Variants in RBM14 observed in about 807,000 individuals in gnomAD.
RBM14 encodes RNA-binding protein 14.
Under a neutral mutation model 52.8 loss-of-function variants are expected in RBM14, and 5 were observed. That is an observed-to-expected ratio of 0.09 (90% CI 0.05 to 0.20). The LOEUF (loss-of-function observed/expected upper bound fraction) is 0.20, where lower values mean the gene tolerates loss of function less well. Among genes scored for constraint, RBM14 ranks in the 10% least tolerant of loss-of-function variants. The pLI, the probability that RBM14 is intolerant of heterozygous loss-of-function variation, is 1.00. For synonymous variants in RBM14, 411 were observed against 401.8 expected, an observed-to-expected ratio of 1.02 and a Z score of -0.28; for missense variants, 780 against 926.6, an observed-to-expected ratio of 0.84 and a Z score of 2.05.
chr11:66,626,812 A>T lies in RBM14; in HGVS notation c.*144A>T. On this transcript the variant is annotated 3_prime_UTR_variant, in exon 3 of 3. Coordinates refer to ENST00000310137, the MANE Select transcript of RBM14 (RefSeq NM_006328.4). ...CTACCATGTGGGCCTTCCCCAGGAG[A>T]TGATCCTGTTAAGTGTTCGGCAGTA... 1 of 802,466 alleles carries T rather than the reference A, an allele frequency of 1.2e-6. No individual in the cohort carries two copies. Among genetic ancestry groups the T allele is most frequent in the South Asian group, 1.8e-5 (1 of 54,332 alleles). The allele number at this position is 802,466 out of a possible 1,614,324, so 49.7% of individuals were successfully genotyped here. A position where few individuals can be genotyped will look rare whatever the true frequency, so the allele number is the denominator to read the frequency against.
At position 66,624,664 on chromosome 11, in the gene RBM14, C is replaced by T. The variant is rs1937703724; in HGVS notation, c.788C>T (p.Thr263Ile). 1 of 1,613,494 alleles carries T rather than the reference C, an allele frequency of 6.2e-7. No homozygotes were observed. The stretch of plus-strand genomic sequence containing the variant: ...GCCTCTTTGGGTGTTGGCTATCGGA[C>T]TCAGCCCATGACAGCCCAGGCAGCC... ...PSASLGVGYR[T>I]QPMTAQAASY... The change falls in exon 2 of 3, where the codon ACT becomes ATT. Residue 263 changes from threonine to isoleucine, a missense_variant. Transcript: ENST00000310137. This position sits in a 1 kb window ranked among gnomAD's most constrained non-coding sequence, Gnocchi z 4.7.
At position 66,625,056 on chromosome 11, in the gene RBM14, G is replaced by C; in HGVS notation, c.1180G>C (p.Ala394Pro). The C allele has an allele frequency of 1.9e-6, 3 of 1,612,932 alleles. No homozygotes were observed. Among genetic ancestry groups the C allele is most frequent in the East Asian group, 2.2e-5 (1 of 44,786 alleles). ...GGCCCAGTCTGCAGCCTCCTCACTAGCTTATGGAGCCCAGGCAGCTTCATA... is the reference window on the plus strand; with the variant it reads ...GGCCCAGTCTGCAGCCTCCTCACTACCTTATGGAGCCCAGGCAGCTTCATA... Reference protein sequence around the residue: ...YGAQSAASSLAYGAQAASYNA... With the variant: ...YGAQSAASSLPYGAQAASYNA... The change falls in exon 2 of 3, where the codon GCT (alanine) becomes CCT (proline). Residue 394 changes from alanine to proline, a missense_variant. Ala to Pro is a conservative substitution (Grantham distance 27). Coordinates refer to ENST00000310137, the MANE Select transcript of RBM14 (RefSeq NM_006328.4). The surrounding 1 kb of genome is among the most constrained non-coding windows in gnomAD (Gnocchi z 4.2).
Position 66,626,612 on chromosome 11 carries a change from T to C in RBM14, c.1954T>C (p.Tyr652His). Residue 652 changes from tyrosine to histidine, a missense_variant, in exon 3 of 3, where the codon TAT becomes CAT. Coordinates refer to ENST00000310137, the MANE Select transcript of RBM14 (RefSeq NM_006328.4). ...CGATTACGCACGCTATTCGGGCTCC[T>C]ATAATGATTACCTGCGGGCGGCTCA... ...HSDYARYSGS[Y>H]NDYLRAAQMH... The C allele has an allele frequency of 6.2e-7, 1 of 1,613,514 alleles. No individual in the cohort carries two copies. The highest frequency in any genetic ancestry group is 8.5e-7 in the Non-Finnish European group (1 of 1,179,960).
chr11:66,619,438 G>A (rs566555712), intron 1 of RBM14: 6 of 152,230 alleles, frequency 3.9e-5, no homozygotes, highest in South Asian at 2.1e-4. Flanking sequence ...AACAGCTTCC[G>A]GAAACATGTA....
At chr11:66,617,102 T>TCGGGGCA in intron 1 of RBM14, 45 bp downstream of exon 1, 5 of 1,387,754 alleles carry the variant, frequency 3.6e-6, no homozygotes, top group Non-Finnish European at 5.0e-6. Flanking sequence ...CTCGGGGCAC[T>TCGGGGCA]CTGCCTGTTA....
In RBM14 at chr11:66,625,594, C is replaced by T. The variant is rs768763637; in HGVS notation, c.1718C>T (p.Pro573Leu). The T allele has an allele frequency of 1.1e-5, 17 of 1,610,800 alleles. No homozygotes were observed. The South Asian group carries it at 1.2e-4, about 11-fold the overall frequency. ...GCCGTTGCCAACGCCAACAGCACCC[C>T]GCCGCCCTATGAGCGTACCCGCCTC... ...QGAVANANST[P>L]PPYERTRLSP... Residue 573 changes from proline to leucine, a missense_variant, in exon 2 of 3, where the codon CCG (proline) becomes CTG (leucine). By Grantham distance (98) the Pro-to-Leu change is moderately conservative. Coordinates refer to ENST00000310137, the MANE Select transcript of RBM14 (RefSeq NM_006328.4). The surrounding 1 kb of genome is among the most constrained non-coding windows in gnomAD (Gnocchi z 4.2).
intron 1 of RBM14, among the ~76,000 whole-genome samples, chr11:66,623,696 C>G (rs1444612989): frequency 6.6e-6 from 1 of 152,194 alleles, no homozygotes; most frequent in East Asian, 1.9e-4. Context: ...TTGCTTGTTG[C>G]AGTCTATCTC....
rs1190958441 is a variant in RBM14 at position 66,619,474 on chromosome 11, CAAA to C, written c.337+2419_337+2421del. On this transcript the variant is annotated intron_variant, in intron 1 of 2. Transcript: ENST00000310137. ...CAGACTTGTGGGGAGATCTGAAAGA[CAAA>C]AGAGGAAAATATCTTCTCTTCATTT... is the stretch of plus-strand genomic sequence containing the variant. 4 of 152,090 alleles carry C rather than the reference CAAA, an allele frequency of 2.6e-5. No homozygotes were observed. In the East Asian group the frequency reaches 7.7e-4, roughly 29 times the overall value. The allele number at this position is 152,090 out of a possible 1,614,324, so 9.4% of individuals were successfully genotyped here.
Position 66,626,601 on chromosome 11 carries a change from A to G in RBM14, c.1943A>G (p.Tyr648Cys), listed in dbSNP as rs540064320. ...GATGCCCATTCCGATTACGCACGCT[A>G]TTCGGGCTCCTATAATGATTACCTG... is the stretch of plus-strand genomic sequence containing the variant. ...LPDAHSDYARYSGSYNDYLRA... is the reference protein window; with the variant it reads ...LPDAHSDYARCSGSYNDYLRA... Residue 648 changes from tyrosine (Y) to cysteine (C), a missense_variant, in exon 3 of 3, where the codon TAT becomes TGT. This residue lies in a region of RBM14 where 675 missense variants were observed against 697.3 expected (regional missense o/e 0.97). Coordinates refer to ENST00000310137, the MANE Select transcript of RBM14 (RefSeq NM_006328.4). The G allele has an allele frequency of 1.1e-5, 17 of 1,613,730 alleles. No homozygotes were observed. The highest frequency in any genetic ancestry group is 5.3e-5 in the African/African-American group (4 of 75,052).
chr11:66,618,633 G>A, intron 1 of RBM14: 1 of 712,152 alleles, frequency 1.4e-6, no homozygotes, highest in Non-Finnish European at 2.6e-6. Flanking sequence ...TACTTGTCCA[G>A]CAAAAGGGTG....
chr11:66,623,530 A>G (rs1334995880), intron 1 of RBM14, among the ~76,000 whole-genome samples: 2 of 152,224 alleles, frequency 1.3e-5, no homozygotes, highest in Admixed American at 6.5e-5. Flanking sequence ...TTGAGCATGT[A>G]TGTCCACCTG....
chr11:66,625,079 A>G lies in RBM14; in HGVS notation c.1203A>G (p.Ser401=), dbSNP rs369516648. 2 of 1,613,340 alleles carry G rather than the reference A, an allele frequency of 1.2e-6. No individual in the cohort carries two copies. Among genetic ancestry groups the G allele is most frequent in the Non-Finnish European group, 1.7e-6 (2 of 1,179,816 alleles). The change falls in exon 2 of 3, where the codon TCA becomes TCG. Residue 401 remains serine, a synonymous_variant. Coordinates refer to ENST00000310137, the MANE Select transcript of RBM14 (RefSeq NM_006328.4). The surrounding 1 kb of genome is among the most constrained non-coding windows in gnomAD (Gnocchi z 4.2). The part of the protein sequence containing the change: ...SSLAYGAQAA[S]YNAQPSASYN... ...TAGCTTATGGAGCCCAGGCAGCTTC[A>G]TATAATGCCCAGCCCTCGGCCTCTT...
At chr11:66,617,323 G>T in intron 1 of RBM14, 1 of 1,295,368 alleles carries the variant, frequency 7.7e-7, no homozygotes, top group East Asian at 3.0e-5. Context: ...GCGCCTGAGA[G>T]CCTTGCGAGT....
At position 66,626,878 on chromosome 11, in the gene RBM14, T is replaced by A; in HGVS notation, c.*210T>A. 1.8e-6 allele frequency: 1 copy of A among 554,316 alleles called. No individual in the cohort carries two copies. Among genetic ancestry groups the A allele is most frequent in the Non-Finnish European group, 3.2e-6 (1 of 316,480 alleles). 34.3% of individuals were successfully genotyped at this position (554,316 alleles called of 1,614,324 possible). A position where few individuals can be genotyped will look rare whatever the true frequency, so the allele number is the denominator to read the frequency against. On this transcript the variant is annotated 3_prime_UTR_variant, in exon 3 of 3. Transcript: ENST00000310137. ...TCGCCTCAGCAGCAAATCTTGCTACTGGCTCTAGATCTGCGGTTTCCCCTC... is the reference window on the plus strand; with the variant it reads ...TCGCCTCAGCAGCAAATCTTGCTACAGGCTCTAGATCTGCGGTTTCCCCTC...
chr11:66,623,804 C>A, intron 1 of RBM14: 2 of 701,512 alleles, frequency 2.9e-6, no homozygotes, highest in East Asian at 2.7e-5. Context: ...GTGAGCTAGG[C>A]CTCAAAGGTG....
rs1205407601 is a variant in RBM14 at position 66,624,639 on chromosome 11, G to A, written c.763G>A (p.Ala255Thr). 1 of 1,613,016 alleles carries A rather than the reference G, an allele frequency of 6.2e-7. No homozygotes were observed. The highest frequency in any genetic ancestry group is 2.2e-5 in the East Asian group (1 of 44,870). ...LGAAYRAQPS[A>T]SLGVGYRTQP... is the part of the protein sequence containing the mutation. The stretch of plus-strand genomic sequence containing the variant: ...AGCTGCCTACAGGGCCCAGCCTTCT[G>A]CCTCTTTGGGTGTTGGCTATCGGAC... Residue 255 changes from alanine to threonine, a missense_variant, in exon 2 of 3, where the codon GCC (alanine) becomes ACC (threonine). Physicochemically the swap from Ala to Thr is moderately conservative, Grantham distance 58 (BLOSUM62 0). Transcript: ENST00000310137. The surrounding 1 kb of genome is among the most constrained non-coding windows in gnomAD (Gnocchi z 4.7).
chr11:66,624,506 T>C lies in RBM14; in HGVS notation c.630T>C (p.Phe210=). The C allele has an allele frequency of 6.2e-7, 1 of 1,612,906 alleles. No individual in the cohort carries two copies. Among genetic ancestry groups the C allele is most frequent in the Non-Finnish European group, 8.5e-7 (1 of 1,179,082 alleles). The change falls in exon 2 of 3, where the codon TTT becomes TTC. Residue 210 remains phenylalanine (F), a synonymous_variant. Transcript: ENST00000310137. This position sits in a 1 kb window ranked among gnomAD's most constrained non-coding sequence, Gnocchi z 4.7. ...GQARQPTPPF[F]GRDRSPLRRS... is the part of the protein sequence containing the mutation. The stretch of plus-strand genomic sequence containing the variant: ...CCCGTCAGCCCACACCACCCTTCTT[T>C]GGTCGCGACCGCAGCCCTCTGCGCC...
chr11:66,623,812 G>C lies in RBM14; in HGVS notation c.338-402G>C, dbSNP rs113834284. The C allele has an allele frequency of 4.5e-3, 3,194 of 706,676 alleles. 75 individuals are homozygous for C. The African/African-American group carries it at 0.048, about 11-fold the overall frequency. 43.8% of individuals were successfully genotyped at this position (706,676 alleles called of 1,614,324 possible). ...CTCAAAAGTGAGCTAGGCCTCAAAGGTGTTTGGTGAGTTTGGGTTGAGAAC... is the reference window on the plus strand; with the variant it reads ...CTCAAAAGTGAGCTAGGCCTCAAAGCTGTTTGGTGAGTTTGGGTTGAGAAC... On this transcript the variant is annotated intron_variant, in intron 1 of 2. Transcript: ENST00000310137.
At position 66,624,085 on chromosome 11, in the gene RBM14, G is replaced by T; in HGVS notation, c.338-129G>T. On this transcript the variant is annotated intron_variant, in intron 1 of 2. Transcript: ENST00000310137. The surrounding 1 kb of genome is among the most constrained non-coding windows in gnomAD (Gnocchi z 4.7). Reference sequence around the variant, plus strand: ...AGCTACATTTTATGACATACTCCTGGAGAGGAGGGTTTGGAGGCCTTGGAG... The same window carrying T: ...AGCTACATTTTATGACATACTCCTGTAGAGGAGGGTTTGGAGGCCTTGGAG... 2 of 1,468,774 alleles carry T rather than the reference G, an allele frequency of 1.4e-6. No individual in the cohort carries two copies. Among genetic ancestry groups the T allele is most frequent in the South Asian group, 1.2e-5 (1 of 80,574 alleles). 91.0% of individuals were successfully genotyped at this position (1,468,774 alleles called of 1,614,324 possible).
Sources: allele counts gnomAD v4.1 joint callset (sites outside exome capture counted in the v4.1 genomes callset), GRCh38; gene constraint gnomAD v4.1.1; regional missense constraint gnomAD v4.1.1; non-coding constraint Gnocchi (gnomAD v3.1); transcripts MANE v1.5; gene names NCBI Gene and HGNC (gene_info 2026-07-23, HGNC 2026-07-21).